Variants in EMSY observed in about 807,000 individuals in gnomAD.
EMSY encodes the protein EMSY transcriptional repressor, BRCA2 interacting.
Under a neutral mutation model 134.6 loss-of-function variants are expected in EMSY, and 26 were observed. That is an observed-to-expected ratio of 0.19 (90% CI 0.14 to 0.27). EMSY has a LOEUF of 0.27. Ranked by LOEUF, EMSY falls within the 10% of genes least tolerant of loss-of-function variation. The probability of loss-of-function intolerance (pLI) is 1.00; values close to 1 mark genes in which losing one functional copy is unlikely to be tolerated. For synonymous variants in EMSY, 579 were observed against 577.8 expected (o/e 1.00, Z -0.03); for missense variants, 1,305 against 1,611.4 (o/e 0.81, Z 3.26).
At chr11:76,540,374 AGTGTAAAC>A (rs1476090514) in intron 17 of EMSY, among the ~76,000 whole-genome samples, 1 of 152,126 alleles carries the variant, frequency 6.6e-6, no homozygotes, top group African/African-American at 2.4e-5. Context: ...TTGTTGTTTT[AGTGTAAAC>A]CTTGACTATC....
intron 6 of EMSY, chr11:76,460,493 T>G (rs1342761967): frequency 6.5e-6 from 1 of 153,920 alleles, no homozygotes; most frequent in Non-Finnish European, 1.4e-5. Flanking sequence ...AGCTGTTATA[T>G]TCAGTGAAAC....
intron 19 of EMSY, among the ~76,000 whole-genome samples, chr11:76,545,364 G>A (rs1843396821): frequency 6.6e-6 from 1 of 151,998 alleles, no homozygotes; most frequent in African/African-American, 2.4e-5. Context: ...TGATGTATAT[G>A]TATGTATATA....
At chr11:76,526,349 A>T (rs1950845361) in intron 12 of EMSY, 113 bp from the exon 14 acceptor site, 4 of 660,642 alleles carry the variant, frequency 6.1e-6, no homozygotes, top group Non-Finnish European at 6.9e-6. Flanking sequence ...TTTGTTACAT[A>T]ATCTACAGCC....
At position 76,467,852 on chromosome 11, in the gene EMSY, C is replaced by T. The variant is rs1590815385; in HGVS notation, c.831+3772C>T. Reference sequence around the variant, plus strand: ...TACTAAAAATACAAAATTAGCCGGGCGTGGTGGCACATGCTACTCGGTAGG... The same window carrying T: ...TACTAAAAATACAAAATTAGCCGGGTGTGGTGGCACATGCTACTCGGTAGG... On this transcript the variant is annotated intron_variant, in intron 7 of 20. Coordinates refer to ENST00000334736, the Ensembl canonical transcript of EMSY. Among the ~76,000 whole-genome samples the T allele has an allele frequency of 2.6e-5, 4 of 151,746 alleles. No individual in the cohort carries two copies. The South Asian group carries it at 8.3e-4, about 32-fold the overall frequency.
At chr11:76,493,334 C>G (rs1949501115) in intron 8 of EMSY, among the ~76,000 whole-genome samples, 1 of 152,182 alleles carries the variant, frequency 6.6e-6, no homozygotes, top group African/African-American at 2.4e-5. Flanking sequence ...GCGCCCCTTC[C>G]CCGAACAGCC....
intron 20 of EMSY, 25 bp from the exon 22 acceptor site, chr11:76,549,927 G>T: frequency 6.7e-7 from 1 of 1,498,990 alleles, no homozygotes; most frequent in Non-Finnish European, 9.0e-7. Context: ...TTACCATAAA[G>T]ATTCTCCTGT....
At chr11:76,513,294 T>A (rs1423104382) in intron 9 of EMSY, 92 bp from the exon 11 acceptor site, 62 of 1,227,450 alleles carry the variant, frequency 5.1e-5, no homozygotes, top group Non-Finnish European at 6.6e-5. Flanking sequence ...CAAGACTGAG[T>A]AAATGTGTGT....
At chr11:76,500,593 T>A (rs1164331617) in intron 9 of EMSY, among the ~76,000 whole-genome samples, 1 of 152,230 alleles carries the variant, frequency 6.6e-6, no homozygotes, top group African/African-American at 2.4e-5. Context: ...AAATTCGGAT[T>A]ACAGAGTAAT....
chr11:76,463,679 C>A, intron 6 of EMSY, 142 bp from the exon 8 acceptor site: 4 of 815,896 alleles, frequency 4.9e-6, no homozygotes, highest in Non-Finnish European at 5.6e-6. Context: ...GAGACCACTT[C>A]TCTGAGGGAA....
exon 14 of EMSY, chr11:76,528,409 C>A: frequency 6.2e-7 from 1 of 1,612,030 alleles, no homozygotes; most frequent in Non-Finnish European, 8.5e-7. Context: ...AAAAGAAGAA[C>A]CACAGAATTA....
At chr11:76,445,400 C>T (rs1565261777) in intron 1 of EMSY, among the ~76,000 whole-genome samples, 1 of 152,108 alleles carries the variant, frequency 6.6e-6, no homozygotes, top group Non-Finnish European at 1.5e-5. Context: ...TTGTCCTCTC[C>T]GCTGGGGAGG....
chr11:76,501,500 AAG>A (rs1467181549), intron 9 of EMSY, among the ~76,000 whole-genome samples: 1 of 152,230 alleles, frequency 6.6e-6, no homozygotes, highest in Non-Finnish European at 1.5e-5. Flanking sequence ...TTAGTTTTTA[AAG>A]AGAGCCAAAC....
intron 7 of EMSY, among the ~76,000 whole-genome samples, chr11:76,469,526 A>G (rs1948492188): frequency 6.6e-6 from 1 of 152,246 alleles, no homozygotes; most frequent in Admixed American, 6.5e-5. Context: ...GATTTGATGT[A>G]TAATGCCTTT....
At chr11:76,483,963 A>G (rs1049452316) in intron 8 of EMSY, among the ~76,000 whole-genome samples, 4 of 152,194 alleles carry the variant, frequency 2.6e-5, no homozygotes, top group Non-Finnish European at 5.9e-5. Context: ...TCAGCACCAC[A>G]TCACACTTAT....
At chr11:76,548,770 AT>A (rs1951744094) in intron 20 of EMSY, among the ~76,000 whole-genome samples, 1 of 152,162 alleles carries the variant, frequency 6.6e-6, no homozygotes, top group Non-Finnish European at 1.5e-5. Context: ...ATCTTGCATT[AT>A]TTTCTTGACA....
chr11:76,482,269 T>G (rs1321642413), intron 8 of EMSY, among the ~76,000 whole-genome samples: 1 of 152,106 alleles, frequency 6.6e-6, no homozygotes, highest in Non-Finnish European at 1.5e-5. Flanking sequence ...AGACCAAAGG[T>G]AGATAAATCC....
At chr11:76,455,800 C>G (rs949128500) in intron 4 of EMSY, among the ~76,000 whole-genome samples, 1 of 152,176 alleles carries the variant, frequency 6.6e-6, no homozygotes, top group Non-Finnish European at 1.5e-5. Flanking sequence ...ACAGTATTAA[C>G]GCCTTGGATG....
chr11:76,501,649 CAA>C (rs1949863194), intron 9 of EMSY, among the ~76,000 whole-genome samples: 1 of 151,442 alleles, frequency 6.6e-6, no homozygotes. Context: ...AGCTGAAGAA[CAA>C]AGAGAAGAAA....
exon 19 of EMSY, chr11:76,544,580 C>G (rs1018846858): frequency 1.9e-6 from 3 of 1,614,050 alleles, no homozygotes; most frequent in African/African-American, 2.7e-5. Context: ...CCAGCAAGAA[C>G]AAGCACAGCC....
Sources: allele counts gnomAD v4.1 joint callset (sites outside exome capture counted in the v4.1 genomes callset), GRCh38; gene constraint gnomAD v4.1.1; transcripts MANE v1.5; gene names NCBI Gene and HGNC (gene_info 2026-07-23, HGNC 2026-07-21).